Variants in CASP10 observed in about 807,000 individuals in gnomAD.
CASP10 encodes caspase 10.
CASP10 carries 41 observed loss-of-function variants against 48.5 expected under a neutral mutation model. That is an observed-to-expected ratio of 0.85 (90% CI 0.66 to 1.10). The LOEUF is 1.10. Among genes scored for constraint, CASP10 ranks in the 50% least tolerant of loss-of-function variants. The pLI is 0.00. For synonymous variants in CASP10, 232 were observed against 238.4 expected (o/e 0.97, Z 0.25); for missense variants, 614 against 614.5 (o/e 1.00, Z 0.01).
downstream of CASP10, among the ~76,000 whole-genome samples, chr2:201,225,309 C>T (rs1295237590): frequency 6.6e-6 from 1 of 152,246 alleles, no homozygotes; most frequent in Non-Finnish European, 1.5e-5. Context: ...GTGGTAGAAT[C>T]CCAACTCTGG....
intron 4 of CASP10, chr2:201,193,424 T>C: frequency 5.7e-6 from 2 of 348,858 alleles, no homozygotes; most frequent in South Asian, 4.5e-5. Context: ...GCCAGGCTGG[T>C]CTCGAACTCC....
intron 5 of CASP10, among the ~76,000 whole-genome samples, chr2:201,196,309 C>T (rs531327388): frequency 3.9e-5 from 6 of 152,294 alleles, no homozygotes; most frequent in South Asian, 2.1e-4. Flanking sequence ...GAGCACAGGG[C>T]GTCTGATAGT....
intron 6 of CASP10, among the ~76,000 whole-genome samples, chr2:201,205,529 C>A (rs1420150261): frequency 6.6e-6 from 1 of 152,150 alleles, no homozygotes; most frequent in East Asian, 1.9e-4. Flanking sequence ...CCACGCCCAG[C>A]CTCCCTCTTT....
chr2:201,208,381 G>T (rs759691578), intron 8 of CASP10, 198 bp downstream of exon 8: 1 of 985,286 alleles, frequency 1.0e-6, no homozygotes, highest in Non-Finnish European at 1.2e-6. Flanking sequence ...TCACAATTCT[G>T]AATAGAGGAG....
chr2:201,186,465 T>C (rs1343800121), intron 2 of CASP10: 2 of 329,574 alleles, frequency 6.1e-6, no homozygotes, highest in African/African-American at 4.2e-5. Context: ...TCCACTAGTC[T>C]GTCTACCTGT....
At chr2:201,216,258 A>T (rs1945565670) in intron 9 of CASP10, among the ~76,000 whole-genome samples, 1 of 152,000 alleles carries the variant, frequency 6.6e-6, no homozygotes, top group African/African-American at 2.4e-5. Flanking sequence ...AGTCCTAGCT[A>T]TTAGGGAGTC....
chr2:201,219,054 G>A lies in CASP10; in HGVS notation c.*1313G>A. ...GGAAGCCAAGGCAGGCAGATCACTTGAGGTCAGGAGTTCGAGACCAGCCTG... is the reference window on the plus strand; with the variant it reads ...GGAAGCCAAGGCAGGCAGATCACTTAAGGTCAGGAGTTCGAGACCAGCCTG... On this transcript the variant is annotated 3_prime_UTR_variant, in exon 10 of 10. Coordinates refer to ENST00000286186, the MANE Select transcript of CASP10 (RefSeq NM_032977.4). 2.2e-6 allele frequency: 2 copies of A among 905,088 alleles called. No individual in the cohort carries two copies. Among genetic ancestry groups the A allele is most frequent in the Non-Finnish European group, 2.6e-6 (2 of 756,712 alleles). 56.1% of individuals were successfully genotyped at this position (905,088 alleles called of 1,614,324 possible). A position where few individuals can be genotyped will look rare whatever the true frequency, so the allele number is the denominator to read the frequency against.
chr2:201,186,158 C>A (rs372306100), intron 2 of CASP10, 34 bp downstream of exon 2: 18 of 1,493,090 alleles, frequency 1.2e-5, no homozygotes, highest in Non-Finnish European at 1.6e-5. Context: ...ATGGGAGGAT[C>A]TCCCATCTAG....
At position 201,193,064 on chromosome 2, in the gene CASP10, C is replaced by CA. The variant is rs1275157099; in HGVS notation, c.526dup (p.Thr176AsnfsTer5). On this transcript the variant is annotated frameshift_variant, in exon 4 of 10. Coordinates refer to ENST00000286186, the MANE Select transcript of CASP10 (RefSeq NM_032977.4). LOFTEE classifies it high-confidence loss of function. ...ATCTGACATGCCTGGAGGACCTCTG[C>CA]AAAACAGTTGTACCTAAACTTTTGA... 1 of 1,613,656 alleles carries CA rather than the reference C, an allele frequency of 6.2e-7. No homozygotes were observed. Among genetic ancestry groups the CA allele is most frequent in the Non-Finnish European group, 8.5e-7 (1 of 1,179,776 alleles).
chr2:201,222,508 C>T (rs577867427), downstream of CASP10, among the ~76,000 whole-genome samples: 4 of 152,204 alleles, frequency 2.6e-5, no homozygotes, highest in African/African-American at 4.8e-5. Context: ...TGGCCTCATT[C>T]ATTCTTTCTT....
At chr2:201,184,230 T>C (rs1266852609) in intron 1 of CASP10, among the ~76,000 whole-genome samples, 1 of 152,200 alleles carries the variant, frequency 6.6e-6, no homozygotes, top group Non-Finnish European at 1.5e-5. Flanking sequence ...GATGGAAACA[T>C]TGACTCATGT....
chr2:201,212,923 A>G (rs548728300), intron 9 of CASP10: 8 of 152,328 alleles, frequency 5.3e-5, no homozygotes, highest in Admixed American at 2.0e-4. Context: ...CTTGGTCTGT[A>G]CACATAAATG....
At chr2:201,225,005 C>T (rs1445216942), downstream of CASP10, among the ~76,000 whole-genome samples, 2 of 152,170 alleles carry the variant, frequency 1.3e-5, no homozygotes, top group Admixed American at 1.3e-4. Flanking sequence ...CCCAATCATG[C>T]ATCCAGTAAA....
intron 8 of CASP10, 133 bp downstream of exon 8, chr2:201,208,316 A>G: frequency 2.1e-6 from 3 of 1,425,124 alleles, no homozygotes; most frequent in East Asian, 2.6e-5. Context: ...TGAGCCTCTT[A>G]TATATCCCTG....
intron 5 of CASP10, among the ~76,000 whole-genome samples, chr2:201,199,569 CTTTTTTTT>C (rs761866954): frequency 8.2e-6 from 1 of 122,546 alleles, no homozygotes; most frequent in South Asian, 2.7e-4. Flanking sequence ...CTCCTTTAAT[CTTTTTTTT>C]TTTTTTTTTT....
chr2:201,203,143 A>G (rs1031606723), intron 5 of CASP10, among the ~76,000 whole-genome samples: 31 of 152,152 alleles, frequency 2.0e-4, no homozygotes, highest in Admixed American at 1.4e-3. Context: ...ATCACTTCCT[A>G]TTGGTGGACA....
chr2:201,190,753 T>C (rs1944580489), intron 3 of CASP10, among the ~76,000 whole-genome samples: 1 of 152,058 alleles, frequency 6.6e-6, no homozygotes, highest in Non-Finnish European at 1.5e-5. Context: ...AAACACTGAG[T>C]GTTAGTTTTC....
chr2:201,203,648 C>T lies in CASP10; in HGVS notation c.685-82C>T, dbSNP rs1031710019. ...GGCTGTGGATTAGATATCTGTCCTTCCCTGCATCAAGTCTAGTTTTTGTTC... is the reference window on the plus strand; with the variant it reads ...GGCTGTGGATTAGATATCTGTCCTTTCCTGCATCAAGTCTAGTTTTTGTTC... On this transcript the variant is annotated intron_variant, in intron 5 of 9. Transcript: ENST00000286186. 13 of 1,203,500 alleles carry T rather than the reference C, an allele frequency of 1.1e-5. No homozygotes were observed. The African/African-American group carries it at 1.9e-4, about 18-fold the overall frequency. 74.6% of individuals were successfully genotyped at this position (1,203,500 alleles called of 1,614,324 possible).
chr2:201,215,737 G>A (rs981659368), intron 9 of CASP10, among the ~76,000 whole-genome samples: 5 of 151,924 alleles, frequency 3.3e-5, no homozygotes, highest in African/African-American at 1.2e-4. Flanking sequence ...CACTATTTGG[G>A]GTCTTTTGTG....
Sources: gnomAD v4.1 joint callset for allele counts (sites outside exome capture counted in the v4.1 genomes callset) on GRCh38, gnomAD v4.1.1 for gene constraint, MANE v1.5 for transcripts, NCBI Gene and HGNC (gene_info 2026-07-23, HGNC 2026-07-21) for gene names.